Variants in SBF2 observed in about 807,000 individuals in gnomAD.
SBF2 encodes myotubularin-related protein 13.
In SBF2, 112 loss-of-function variants were observed where a neutral mutation model predicts 225.2. That is an observed-to-expected ratio of 0.50 (90% confidence interval 0.43 to 0.58). The LOEUF (loss-of-function observed/expected upper bound fraction) is 0.58, where lower values mean the gene tolerates loss of function less well. Among genes scored for constraint, SBF2 ranks in the 20% least tolerant of loss-of-function variants. SBF2 has a pLI of 0.00. For synonymous variants in SBF2, 763 were observed against 773.3 expected, an observed-to-expected ratio of 0.99 and a Z score of 0.22; for missense variants, 1,996 against 2,206.2, an observed-to-expected ratio of 0.90 and a Z score of 1.91.
chr11:9,973,410 A>G lies in SBF2; in HGVS notation c.1396-4865T>C, dbSNP rs1026632210. Among the ~76,000 whole-genome samples, 7 of 152,240 alleles carry G rather than the reference A, an allele frequency of 4.6e-5. No individual in the cohort carries two copies. In the South Asian group the frequency reaches 6.2e-4, roughly 13 times the overall value. On this transcript the variant is annotated intron_variant, in intron 13 of 39. Transcript: ENST00000256190. ...CAGAGAAATGCAAATATAAAGTAAT[A>G]AACAAGGGCTAGACAACTAAACACT... is the stretch of plus-strand genomic sequence containing the variant.
intron 17 of SBF2, among the ~76,000 whole-genome samples, chr11:9,870,522 C>A (rs2137459): frequency 0.43 from 65,105 of 151,904 alleles, 14,968 homozygotes; most frequent in African/African-American, 0.59. Context: ...GACCAGTGGA[C>A]CAGAATACAG....
At chr11:10,281,549 C>G (rs1250003041) in intron 1 of SBF2, among the ~76,000 whole-genome samples, 1 of 152,086 alleles carries the variant, frequency 6.6e-6, no homozygotes, top group East Asian at 1.9e-4. Flanking sequence ...GGAGGAGAAC[C>G]AAATGTCTCT....
chr11:9,963,326 G>A (rs760112628), intron 15 of SBF2, among the ~76,000 whole-genome samples: 60 of 152,124 alleles, frequency 3.9e-4, no homozygotes, highest in Non-Finnish European at 4.7e-4. Context: ...TGAGGCGGGC[G>A]CAGTGGTGCG....
At chr11:10,230,257 T>G (rs1369057786) in intron 1 of SBF2, among the ~76,000 whole-genome samples, 1 of 152,196 alleles carries the variant, frequency 6.6e-6, no homozygotes, top group African/African-American at 2.4e-5. Context: ...GTCTTGACTC[T>G]TTATCCAATT....
chr11:10,246,753 C>A (rs1416285154), intron 1 of SBF2, among the ~76,000 whole-genome samples: 1 of 152,224 alleles, frequency 6.6e-6, no homozygotes, highest in Non-Finnish European at 1.5e-5. Flanking sequence ...GATGGCTTCA[C>A]CACTTAATTA....
intron 1 of SBF2, among the ~76,000 whole-genome samples, chr11:10,215,198 T>C (rs1330330323): frequency 6.6e-6 from 1 of 152,094 alleles, no homozygotes; most frequent in Non-Finnish European, 1.5e-5. Context: ...CAAATCAAAG[T>C]GCATCTGAAG....
At position 9,959,546 on chromosome 11, in the gene SBF2, A is replaced by AG. The variant is rs1004647122; in HGVS notation, c.1860+2410dup. 5 of 781,416 alleles carry AG rather than the reference A, an allele frequency of 6.4e-6. No homozygotes were observed. In the African/African-American group the frequency reaches 6.8e-5, roughly 11 times the overall value. The allele number at this position is 781,416 out of a possible 1,614,324, so 48.4% of individuals were successfully genotyped here. On this transcript the variant is annotated intron_variant, in intron 16 of 39. Transcript: ENST00000256190. ...ACCAGCTTGTGGAGGTCCTTGTGGA[A>AG]GGGGTCCCAAAACATGGCAGCAGGC...
chr11:9,829,541 TAACAA>T (rs1307902554), intron 27 of SBF2, 45 bp from the exon 28 acceptor site: 37 of 1,483,442 alleles, frequency 2.5e-5, no homozygotes, highest in East Asian at 4.5e-5. Context: ...GTCTCTGTGT[TAACAA>T]AACAAGTATC....
intron 2 of SBF2, among the ~76,000 whole-genome samples, chr11:10,064,622 A>T (rs1003204416): frequency 1.3e-4 from 20 of 152,234 alleles, no homozygotes; most frequent in Non-Finnish European, 2.2e-4. Flanking sequence ...CATTAAATAA[A>T]TAAAGCTAAA....
chr11:10,181,645 C>T (rs1271666369), intron 2 of SBF2, among the ~76,000 whole-genome samples: 3 of 151,918 alleles, frequency 2.0e-5, no homozygotes, highest in Non-Finnish European at 2.9e-5. Flanking sequence ...AGAAATATTC[C>T]CACCATCCTC....
chr11:10,159,261 C>T (rs1365984899), intron 2 of SBF2, among the ~76,000 whole-genome samples: 1 of 152,192 alleles, frequency 6.6e-6, no homozygotes, highest in Non-Finnish European at 1.5e-5. Context: ...ATGGTAACAG[C>T]CCTTTCCCAA....
rs201964421 is a variant in SBF2 at position 9,845,619 on chromosome 11, T to A, written c.3056A>T (p.Gln1019Leu). 143 of 1,614,010 alleles carry A rather than the reference T, an allele frequency of 8.9e-5. 1 individual carries two copies. In the East Asian group the frequency reaches 2.9e-3, roughly 33 times the overall value. ...IFSTFAFAAG[Q>L]TTPQIILPKQ... is the part of the protein sequence containing the mutation. The stretch of plus-strand genomic sequence containing the variant: ...TGGTAAAATTATTTGTGGGGTAGTT[T>A]GTCCAGCAGCAAAAGCAAAGGTACT... The change falls in exon 24 of 40, where the codon CAA becomes CTA. Residue 1019 changes from glutamine to leucine, a missense_variant. By Grantham distance (113) the Gln-to-Leu change is moderately radical. Transcript: ENST00000256190.
chr11:9,988,839 T>C (rs1032130321), intron 13 of SBF2, among the ~76,000 whole-genome samples: 7 of 152,174 alleles, frequency 4.6e-5, no homozygotes, highest in Admixed American at 6.5e-5. Context: ...TGGAAAATGA[T>C]GTGGAGATTC....
chr11:9,928,180 A>G (rs1001037264), intron 16 of SBF2, among the ~76,000 whole-genome samples: 13 of 152,314 alleles, frequency 8.5e-5, no homozygotes, highest in South Asian at 4.1e-4. Flanking sequence ...ATATAAGACA[A>G]TATCTGAAAA....
At chr11:10,052,069 C>G (rs1026695226) in intron 2 of SBF2, among the ~76,000 whole-genome samples, 2 of 151,644 alleles carry the variant, frequency 1.3e-5, no homozygotes, top group South Asian at 4.1e-4. Flanking sequence ...AGAGTAGTCA[C>G]TAAAAGATAG....
chr11:10,270,898 G>A (rs1962428467), intron 1 of SBF2, among the ~76,000 whole-genome samples: 1 of 150,446 alleles, frequency 6.6e-6, no homozygotes, highest in South Asian at 2.1e-4. Flanking sequence ...GGGAGGCTGA[G>A]GCAGGAGAAT....
intron 2 of SBF2, among the ~76,000 whole-genome samples, chr11:10,159,152 CG>C (rs1343330149): frequency 1.3e-5 from 2 of 152,252 alleles, no homozygotes; most frequent in African/African-American, 4.8e-5. Flanking sequence ...CTAACTTAAC[CG>C]ACTCCATCTT....
At chr11:9,781,457 C>A (rs371727427) in intron 39 of SBF2, 50 bp downstream of exon 39, 1 of 1,610,348 alleles carries the variant, frequency 6.2e-7, no homozygotes, top group Non-Finnish European at 8.5e-7. Flanking sequence ...TGGAGACAGA[C>A]AGAATGATGT....
intron 2 of SBF2, among the ~76,000 whole-genome samples, chr11:10,189,382 A>T (rs578103352): frequency 6.6e-6 from 1 of 152,220 alleles, no homozygotes; most frequent in African/African-American, 2.4e-5. Flanking sequence ...CAGTATTTAC[A>T]TCTATGTCAG....
Sources: gnomAD v4.1 joint callset for allele counts (sites outside exome capture counted in the v4.1 genomes callset) on GRCh38, gnomAD v4.1.1 for gene constraint, MANE v1.5 for transcripts, NCBI Gene and HGNC (gene_info 2026-07-23, HGNC 2026-07-21) for gene names.